Variants in KCNH7 observed in about 807,000 individuals in gnomAD.
KCNH7 encodes the protein potassium voltage-gated channel subfamily H member 7.
Under a neutral mutation model 120.8 loss-of-function variants are expected in KCNH7, and 49 were observed. That is an observed-to-expected ratio of 0.41 (90% confidence interval 0.32 to 0.51). KCNH7 has a LOEUF of 0.51. Ranked by LOEUF, KCNH7 falls within the 20% of genes least tolerant of loss-of-function variation. The pLI is 0.38. For missense variants in KCNH7, 1,097 were observed against 1,446.6 expected, an observed-to-expected ratio of 0.76 and a Z score of 3.92; for synonymous variants, 547 against 516.1, an observed-to-expected ratio of 1.06 and a Z score of -0.81.
intron 2 of KCNH7, among the ~76,000 whole-genome samples, chr2:162,553,815 A>G (rs971566536): frequency 1.3e-5 from 2 of 152,220 alleles, no homozygotes; most frequent in African/African-American, 4.8e-5. Flanking sequence ...TACATAAGTA[A>G]CAGACAAGGT....
chr2:162,618,348 T>C (rs1227223229), intron 2 of KCNH7, among the ~76,000 whole-genome samples: 1 of 151,998 alleles, frequency 6.6e-6, no homozygotes, highest in Non-Finnish European at 1.5e-5. Flanking sequence ...ATTATTCTGG[T>C]AATCCTTGAT....
chr2:162,618,674 T>C (rs1683233755), intron 2 of KCNH7, among the ~76,000 whole-genome samples: 1 of 152,218 alleles, frequency 6.6e-6, no homozygotes, highest in African/African-American at 2.4e-5. Flanking sequence ...AAATTTATGT[T>C]TATTGTTGTG....
chr2:162,747,279 A>G (rs1427425721), intron 2 of KCNH7, among the ~76,000 whole-genome samples: 2 of 152,164 alleles, frequency 1.3e-5, no homozygotes, highest in Non-Finnish European at 2.9e-5. Flanking sequence ...CTTTATTTAA[A>G]TGGGGGTTAG....
intron 6 of KCNH7, among the ~76,000 whole-genome samples, chr2:162,459,489 G>T (rs1573984190): frequency 6.6e-6 from 1 of 152,054 alleles, no homozygotes; most frequent in African/African-American, 2.4e-5. Context: ...TATGGCCATG[G>T]GTCTGATTAG....
At chr2:162,635,166 G>A (rs545439869) in intron 2 of KCNH7, among the ~76,000 whole-genome samples, 2 of 151,972 alleles carry the variant, frequency 1.3e-5, no homozygotes, top group Non-Finnish European at 2.9e-5. Context: ...CTGACCCAGA[G>A]GTCATAATCT....
At chr2:162,807,241 T>A (rs1237764942) in intron 2 of KCNH7, among the ~76,000 whole-genome samples, 1 of 108,908 alleles carries the variant, frequency 9.2e-6, no homozygotes, top group African/African-American at 3.7e-5. Context: ...TGAAAACCCA[T>A]CTCCACTAAA....
At chr2:162,773,406 C>G (rs565603412) in intron 2 of KCNH7, among the ~76,000 whole-genome samples, 1 of 151,960 alleles carries the variant, frequency 6.6e-6, no homozygotes, top group Non-Finnish European at 1.5e-5. Flanking sequence ...GAGAATCGCT[C>G]GAACCCAGGA....
At chr2:162,807,576 G>T (rs193140886) in intron 2 of KCNH7, among the ~76,000 whole-genome samples, 1 of 152,104 alleles carries the variant, frequency 6.6e-6, no homozygotes, top group African/African-American at 2.4e-5. Flanking sequence ...CCCTCTGCAC[G>T]CTGAAAAATA....
intron 2 of KCNH7, among the ~76,000 whole-genome samples, chr2:162,834,492 AT>A (rs201440774): frequency 0.055 from 8,310 of 152,080 alleles, 310 homozygotes; most frequent in South Asian, 0.11. Flanking sequence ...CAGAATCAAA[AT>A]TTTTACTAAA....
At chr2:162,766,429 G>A (rs985841529) in intron 2 of KCNH7, among the ~76,000 whole-genome samples, 2 of 152,090 alleles carry the variant, frequency 1.3e-5, no homozygotes, top group African/African-American at 4.8e-5. Flanking sequence ...AGTCCCTTTT[G>A]TTAACATTTC....
intron 2 of KCNH7, among the ~76,000 whole-genome samples, chr2:162,678,145 G>A (rs1177347263): frequency 1.3e-5 from 2 of 151,450 alleles, no homozygotes; most frequent in African/African-American, 2.4e-5. Flanking sequence ...GCGTATGTAT[G>A]AAATATTGAC....
intron 3 of KCNH7, among the ~76,000 whole-genome samples, chr2:162,533,128 A>G (rs1215077227): frequency 6.6e-6 from 1 of 151,810 alleles, no homozygotes; most frequent in Admixed American, 6.6e-5. Context: ...AGTATATAAC[A>G]TTTTCTTATA....
chr2:162,404,338 T>C (rs1316103187), intron 9 of KCNH7, among the ~76,000 whole-genome samples: 1 of 151,964 alleles, frequency 6.6e-6, no homozygotes, highest in Non-Finnish European at 1.5e-5. Flanking sequence ...TTTCACTGTC[T>C]GCAGCTTGAA....
Position 162,435,463 on chromosome 2 carries a change from A to G in KCNH7, c.1689T>C (p.Ala563=). 6.2e-7 allele frequency: 1 copy of G among 1,613,804 alleles called. No individual in the cohort carries two copies. The change falls in exon 8 of 16, where the codon GCT becomes GCC. Residue 563 remains alanine, a synonymous_variant. Coordinates refer to ENST00000332142, the MANE Select transcript of KCNH7 (RefSeq NM_033272.4). ...CATACCAAATGCAAGCCAGCCAGTG[A>G]GCAATCAGGGCAAAGATGCACATTA... is the stretch of plus-strand genomic sequence containing the variant. ...MLLMCIFALI[A]HWLACIWYAI... is the part of the protein sequence containing the mutation.
chr2:162,458,111 G>GCA (rs1233335052), intron 6 of KCNH7, among the ~76,000 whole-genome samples: 4 of 149,914 alleles, frequency 2.7e-5, no homozygotes, highest in Admixed American at 2.7e-4. Flanking sequence ...GTGCGTGTGT[G>GCA]TGTGTGTGTG....
intron 2 of KCNH7, among the ~76,000 whole-genome samples, chr2:162,597,834 A>G (rs1209691346): frequency 1.3e-5 from 2 of 152,118 alleles, no homozygotes; most frequent in Non-Finnish European, 2.9e-5. Context: ...ATTGTCAACT[A>G]AAAATAAGAA....
At chr2:162,708,696 G>T (rs1201269863) in intron 2 of KCNH7, among the ~76,000 whole-genome samples, 1 of 152,038 alleles carries the variant, frequency 6.6e-6, no homozygotes, top group East Asian at 1.9e-4. Flanking sequence ...TAAGTAGAAT[G>T]GTTACAAGTA....
At chr2:162,472,751 A>G (rs1689594302) in intron 6 of KCNH7, among the ~76,000 whole-genome samples, 1 of 152,364 alleles carries the variant, frequency 6.6e-6, no homozygotes. Flanking sequence ...ATACACCCAA[A>G]GGATTATAAA....
intron 10 of KCNH7, among the ~76,000 whole-genome samples, chr2:162,397,558 CCTT>C (rs1451001170): frequency 2.0e-5 from 3 of 151,792 alleles, no homozygotes; most frequent in African/African-American, 7.2e-5. Context: ...GGAAATTTGT[CCTT>C]CTTGCTCTTC....
Sources: gnomAD v4.1 joint callset for allele counts (sites outside exome capture counted in the v4.1 genomes callset) on GRCh38, gnomAD v4.1.1 for gene constraint, MANE v1.5 for transcripts, NCBI Gene and HGNC (gene_info 2026-07-23, HGNC 2026-07-21) for gene names.